Variants in ENTPD6 observed in about 807,000 individuals in gnomAD.
ENTPD6 encodes CD39 antigen-like 2.
Under a neutral mutation model 61.5 loss-of-function variants are expected in ENTPD6, and 46 were observed. The ratio of observed to expected loss-of-function variants is 0.75; its 90% CI spans 0.59 to 0.96. ENTPD6 has a LOEUF of 0.96. Ranked by LOEUF, ENTPD6 falls within the 40% of genes least tolerant of loss-of-function variation. The pLI is 0.00. For missense variants in ENTPD6, 612 were observed against 629.0 expected (o/e 0.97, Z 0.29); for synonymous variants, 252 against 255.5 (o/e 0.99, Z 0.13).
In ENTPD6 at chr20:25,221,315, G is replaced by A. The variant is rs757998276; in HGVS notation, c.1027G>A (p.Val343Ile). 6.8e-6 allele frequency: 11 copies of A among 1,614,068 alleles called. No homozygotes were observed. Among genetic ancestry groups the A allele is most frequent in the Non-Finnish European group, 8.5e-6 (10 of 1,180,016 alleles). The change falls in exon 11 of 15, where the codon GTT becomes ATT. Residue 343 changes from valine (V) to isoleucine (I), a missense_variant. Val to Ile is a conservative substitution (Grantham distance 29, BLOSUM62 3). Coordinates refer to ENST00000376652, the MANE Select transcript of ENTPD6 (RefSeq NM_001247.5). ...GGAACACGCAGAAGTCACGTACAGG[G>A]TTTCAGGGCAGAAAGCAGGTACGGG... ...EWEHAEVTYRVSGQKAAASLH... is the reference protein window; with the variant it reads ...EWEHAEVTYRISGQKAAASLH...
In ENTPD6 at chr20:25,216,605, TCTTA is replaced by T. The variant is rs1600629830; in HGVS notation, c.710-40_710-37del. On this transcript the variant is annotated intron_variant, in intron 7 of 14. Coordinates refer to ENST00000376652, the MANE Select transcript of ENTPD6 (RefSeq NM_001247.5). ...CCTGGCTTTTCTGCTGTTCTCGCGATCTTACTAATGCCCCTGTGCTGTTTTTGCT... is the reference window on the plus strand; with the variant it reads ...CCTGGCTTTTCTGCTGTTCTCGCGATCTAATGCCCCTGTGCTGTTTTTGCT... 24 of 1,471,802 alleles carry T rather than the reference TCTTA, an allele frequency of 1.6e-5. No individual in the cohort carries two copies. In the East Asian group the frequency reaches 5.8e-4, roughly 35 times the overall value. The allele number at this position is 1,471,802 out of a possible 1,614,324, so 91.2% of individuals were successfully genotyped here. A position where few individuals can be genotyped will look rare whatever the true frequency, so the allele number is the denominator to read the frequency against.
chr20:25,225,393 G>A (rs1036721251), intron 14 of ENTPD6, 76 bp downstream of exon 14: 13 of 1,590,976 alleles, frequency 8.2e-6, no homozygotes, highest in African/African-American at 1.3e-5. Flanking sequence ...AGTTGCTGGG[G>A]TCATGTCCCC....
chr20:25,206,502 C>G lies in ENTPD6; in HGVS notation c.-15-20C>G. Reference sequence around the variant, plus strand: ...TTTGTAGGCTTTGGAAGTACACAGACATTATTTTCTCCTTGGCAGGAATGG... The same window carrying G: ...TTTGTAGGCTTTGGAAGTACACAGAGATTATTTTCTCCTTGGCAGGAATGG... On this transcript the variant is annotated intron_variant, in intron 1 of 14. Transcript: ENST00000376652. 1 of 1,593,100 alleles carries G rather than the reference C, an allele frequency of 6.3e-7. No individual in the cohort carries two copies. The highest frequency in any genetic ancestry group is 8.6e-7 in the Non-Finnish European group (1 of 1,160,950).
intron 4 of ENTPD6, among the ~76,000 whole-genome samples, chr20:25,211,718 T>A (rs2091972351): frequency 6.6e-6 from 1 of 152,232 alleles, no homozygotes; most frequent in African/African-American, 2.4e-5. Context: ...ATTTAGATAA[T>A]GTCCAATCTT....
chr20:25,202,245 G>A (rs1045787949), intron 1 of ENTPD6, among the ~76,000 whole-genome samples: 7 of 152,176 alleles, frequency 4.6e-5, no homozygotes, highest in African/African-American at 9.7e-5. Flanking sequence ...GAGGTGGCAG[G>A]AGTGGAAGAA....
chr20:25,207,239 G>A lies in ENTPD6; in HGVS notation c.218G>A (p.Ser73Asn), dbSNP rs755787165. The change falls in exon 3 of 15, where the codon AGC becomes AAC. Residue 73 changes from serine to asparagine, a missense_variant. Transcript: ENST00000376652. Reference protein sequence around the residue: ...HRATATQAFFSITRAAPGARW... With the variant: ...HRATATQAFFNITRAAPGARW... ...GCCACCGCCACCCAGGCCTTCTTCA[G>A]CATCACCAGGGCAGCCCCGGGGGCC... 1.2e-6 allele frequency: 2 copies of A among 1,614,114 alleles called. No homozygotes were observed. Among genetic ancestry groups the A allele is most frequent in the East Asian group, 4.5e-5 (2 of 44,878 alleles).
At chr20:25,207,854 G>A (rs2091643817) in intron 3 of ENTPD6, among the ~76,000 whole-genome samples, 1 of 152,218 alleles carries the variant, frequency 6.6e-6, no homozygotes, top group Admixed American at 6.5e-5. Context: ...CAGCCGAGAG[G>A]GGTCTCAGCT....
intron 5 of ENTPD6, 39 bp from the exon 6 acceptor site, chr20:25,214,828 C>T (rs1343817561): frequency 8.7e-7 from 1 of 1,151,342 alleles, no homozygotes; most frequent in Non-Finnish European, 1.3e-6. Flanking sequence ...TTCATTCATT[C>T]ATTCTAAAGG....
Position 25,207,129 on chromosome 20 carries a change from G to C in ENTPD6, c.108G>C (p.Gly36=), listed in dbSNP as rs1225569056. The change falls in exon 3 of 15, where the codon GGG becomes GGC. Residue 36 remains glycine, a synonymous_variant. Transcript: ENST00000376652. ...QTRMRKISNH[G]SLRVAKVAYP... is the part of the protein sequence containing the mutation. ...GGATGAGAAAAATATCCAACCACGG[G>C]AGCCTGCGGGTGGCGAAGGTGGCAT... 6.2e-7 allele frequency: 1 copy of C among 1,613,820 alleles called. No homozygotes were observed. The highest frequency in any genetic ancestry group is 8.5e-7 in the Non-Finnish European group (1 of 1,179,764).
intron 1 of ENTPD6, chr20:25,197,014 C>A: frequency 1.1e-6 from 1 of 892,768 alleles, no homozygotes; most frequent in Non-Finnish European, 1.3e-6. Context: ...GGGCGGTTCA[C>A]GCACCGGTTT....
At chr20:25,217,606 G>A in intron 9 of ENTPD6, 25 bp downstream of exon 9, 1 of 1,608,872 alleles carries the variant, frequency 6.2e-7, no homozygotes, top group Non-Finnish European at 8.5e-7. Flanking sequence ...ACAGGCGTGG[G>A]GAGGCGCCAT....
chr20:25,219,727 C>T (rs537868123), intron 10 of ENTPD6, among the ~76,000 whole-genome samples: 36 of 152,210 alleles, frequency 2.4e-4, no homozygotes, highest in African/African-American at 8.0e-4. Flanking sequence ...AATGCCCTTA[C>T]CTCAGCCCCC....
In ENTPD6 at chr20:25,195,833, C is replaced by T. The variant is rs904613085; in HGVS notation, c.-50C>T. Reference sequence around the variant, plus strand: ...CGCCTGCTCCCCGGAAAAGGGCACTCGTCTCCGTGGGTGTGGCGGAGCGCG... The same window carrying T: ...CGCCTGCTCCCCGGAAAAGGGCACTTGTCTCCGTGGGTGTGGCGGAGCGCG... On this transcript the variant is annotated 5_prime_UTR_variant, in exon 1 of 15. Coordinates refer to ENST00000376652, the MANE Select transcript of ENTPD6 (RefSeq NM_001247.5). 1.9e-5 allele frequency: 24 copies of T among 1,239,830 alleles called. No homozygotes were observed. In the South Asian group the frequency reaches 8.4e-4, roughly 43 times the overall value. The allele number at this position is 1,239,830 out of a possible 1,614,324, so 76.8% of individuals were successfully genotyped here. A position where few individuals can be genotyped will look rare whatever the true frequency, so the allele number is the denominator to read the frequency against.
At chr20:25,208,698 C>T (rs2091709383) in intron 3 of ENTPD6, among the ~76,000 whole-genome samples, 2 of 152,144 alleles carry the variant, frequency 1.3e-5, no homozygotes, top group Non-Finnish European at 2.9e-5. Context: ...ATTTAAAACA[C>T]TCCATTTTTT....
At chr20:25,205,312 G>A (rs2091381643) in intron 1 of ENTPD6, among the ~76,000 whole-genome samples, 1 of 152,176 alleles carries the variant, frequency 6.6e-6, no homozygotes, top group East Asian at 1.9e-4. Context: ...CGGGAAGGGG[G>A]TGGCAGTGAC....
chr20:25,212,906 C>G (rs1229844562), intron 4 of ENTPD6, among the ~76,000 whole-genome samples: 1 of 152,206 alleles, frequency 6.6e-6, no homozygotes, highest in Non-Finnish European at 1.5e-5. Context: ...GTGGTTTCAC[C>G]CTGTTAGCCA....
chr20:25,216,703 A>G lies in ENTPD6; in HGVS notation c.765A>G (p.Gly255=), dbSNP rs1600631341. Residue 255 remains glycine (G), a synonymous_variant, in exon 8 of 15, where the codon GGA becomes GGG. Coordinates refer to ENST00000376652, the MANE Select transcript of ENTPD6 (RefSeq NM_001247.5). ...SSVGMLDLGG[G]STQIAFLPRV... is the part of the protein sequence containing the mutation. ...TGGGCATGCTGGACTTGGGCGGAGG[A>G]TCCACTCAGATCGCCTTCCTGCCAC... 1.1e-5 allele frequency: 18 copies of G among 1,606,160 alleles called. No homozygotes were observed. Among genetic ancestry groups the G allele is most frequent in the Non-Finnish European group, 1.1e-5 (13 of 1,176,860 alleles).
intron 7 of ENTPD6, among the ~76,000 whole-genome samples, chr20:25,216,188 G>A (rs1042007434): frequency 2.0e-5 from 3 of 152,314 alleles, no homozygotes; most frequent in South Asian, 4.2e-4. Flanking sequence ...CCCTTTGCTG[G>A]AATTATGGGA....
intron 3 of ENTPD6, among the ~76,000 whole-genome samples, chr20:25,207,667 T>A (rs2091624281): frequency 6.6e-6 from 1 of 152,168 alleles, no homozygotes; most frequent in Non-Finnish European, 1.5e-5. Context: ...GCAGGTCAGG[T>A]GGCTAGGACC....
Sources: gnomAD v4.1 joint callset for allele counts (sites outside exome capture counted in the v4.1 genomes callset) on GRCh38, gnomAD v4.1.1 for gene constraint, MANE v1.5 for transcripts, NCBI Gene and HGNC (gene_info 2026-07-23, HGNC 2026-07-21) for gene names.